Variants in MYOM1 observed in about 807,000 individuals in gnomAD.
The protein encoded by MYOM1 is myomesin-1.
A neutral mutation model predicts 205.3 loss-of-function variants in MYOM1; 164 were observed. The observed-to-expected ratio is 0.80, with a 90% CI of 0.70 to 0.91. The LOEUF is 0.91. Ranked by LOEUF, MYOM1 falls within the 40% of genes least tolerant of loss-of-function variation. The probability of loss-of-function intolerance (pLI) is 0.00; values close to 1 mark genes in which losing one functional copy is unlikely to be tolerated. For synonymous variants in MYOM1, 772 were observed against 789.4 expected (o/e 0.98, Z 0.37); for missense variants, 2,011 against 2,127.3 (o/e 0.95, Z 1.08).
chr18:3,138,852 G>A (rs1264712053), intron 14 of MYOM1, among the ~76,000 whole-genome samples: 1 of 152,190 alleles, frequency 6.6e-6, no homozygotes, highest in African/African-American at 2.4e-5. Flanking sequence ...ATTGAAAGGT[G>A]GCCCAGTGTA....
intron 2 of MYOM1, among the ~76,000 whole-genome samples, chr18:3,205,901 G>A (rs1478893555): frequency 6.6e-6 from 1 of 152,170 alleles, no homozygotes; most frequent in African/African-American, 2.4e-5. Context: ...AAAATACTGT[G>A]TTTGGCACTG....
At chr18:3,098,955 G>A (rs532297587) in intron 25 of MYOM1, among the ~76,000 whole-genome samples, 4 of 152,128 alleles carry the variant, frequency 2.6e-5, no homozygotes, top group African/African-American at 7.2e-5. Context: ...ACAAAGTTGG[G>A]TTAGTTTTTG....
chr18:3,121,311 T>A (rs2079688097), intron 19 of MYOM1, among the ~76,000 whole-genome samples: 1 of 152,166 alleles, frequency 6.6e-6, no homozygotes, highest in African/African-American at 2.4e-5. Flanking sequence ...AGATACATCT[T>A]TTTTAAAAAC....
chr18:3,106,634 C>T (rs529220793), intron 22 of MYOM1, among the ~76,000 whole-genome samples: 3 of 152,192 alleles, frequency 2.0e-5, no homozygotes, highest in African/African-American at 7.2e-5. Flanking sequence ...CCAGCCTGGG[C>T]AACAAAATGA....
chr18:3,148,767 A>ACC (rs1285553697), intron 13 of MYOM1, among the ~76,000 whole-genome samples: 2 of 144,042 alleles, frequency 1.4e-5, no homozygotes, highest in African/African-American at 5.1e-5. Context: ...AATGGCGTGA[A>ACC]CCCGGGAGGC....
rs34628686 is a variant in MYOM1 at position 3,154,791 on chromosome 18, A to G, written c.1643+156T>C. On this transcript the variant is annotated intron_variant, in intron 11 of 37. Transcript: ENST00000356443. ...GAGAGCGAGAGACTGAGACAGAGAC[A>G]AATAGAGAAAAAGAAAGATGAAGAG... Among the ~76,000 whole-genome samples, 3,400 of 152,228 alleles carry G rather than the reference A, an allele frequency of 0.022. 47 individuals carry two copies. Among genetic ancestry groups the G allele is most frequent in the Middle Eastern group, 0.037 (11 of 294 alleles).
chr18:3,160,496 A>G (rs1207597574), intron 10 of MYOM1, among the ~76,000 whole-genome samples: 4 of 152,264 alleles, frequency 2.6e-5, no homozygotes, highest in African/African-American at 9.6e-5. Flanking sequence ...AACATTTTCT[A>G]AAAGTGGAGT....
At position 3,179,814 on chromosome 18, in the gene MYOM1, C is replaced by G. The variant is rs1248512494; in HGVS notation, c.930-3680G>C. On this transcript the variant is annotated intron_variant, in intron 5 of 37. Coordinates refer to ENST00000356443, the MANE Select transcript of MYOM1 (RefSeq NM_003803.4). The surrounding 1 kb of genome is among the most constrained non-coding windows in gnomAD (Gnocchi z 4.4). Reference sequence around the variant, plus strand: ...TATAATTGGTTTAGGTAATTTCACACTGGACTCAAGCTCACTCTGGCTCTG... The same window carrying G: ...TATAATTGGTTTAGGTAATTTCACAGTGGACTCAAGCTCACTCTGGCTCTG... 2.0e-5 allele frequency among the ~76,000 whole-genome samples: 3 copies of G among 152,182 alleles called. No individual in the cohort carries two copies. Among genetic ancestry groups the G allele is most frequent in the African/African-American group, 7.2e-5 (3 of 41,446 alleles).
chr18:3,167,125 C>T (rs2080483070), intron 9 of MYOM1, among the ~76,000 whole-genome samples: 1 of 152,148 alleles, frequency 6.6e-6, no homozygotes, highest in South Asian at 2.1e-4. Flanking sequence ...TACAAGTTTT[C>T]TCAGGAGGCT....
chr18:3,147,137 GATAA>G (rs58078128), intron 13 of MYOM1, among the ~76,000 whole-genome samples: 61 of 139,966 alleles, frequency 4.4e-4, no homozygotes, highest in African/African-American at 1.6e-3. Context: ...ATATATTATA[GATAA>G]ATATATATAT....
chr18:3,175,357 G>C (rs530054298), intron 6 of MYOM1, among the ~76,000 whole-genome samples: 1 of 152,066 alleles, frequency 6.6e-6, no homozygotes, highest in Non-Finnish European at 1.5e-5. Context: ...GAAAATTCTG[G>C]GAACTTGTTT....
At chr18:3,214,116 T>C (rs934337899) in intron 2 of MYOM1, among the ~76,000 whole-genome samples, 2 of 152,228 alleles carry the variant, frequency 1.3e-5, no homozygotes, top group African/African-American at 4.8e-5. Flanking sequence ...GCTAAAGAAA[T>C]TATCTGCTGC....
At chr18:3,076,528 G>C (rs182521422) in intron 34 of MYOM1, among the ~76,000 whole-genome samples, 3 of 152,108 alleles carry the variant, frequency 2.0e-5, no homozygotes, top group Admixed American at 6.6e-5. Flanking sequence ...GTCTGTTTGG[G>C]CAAAAAAGCA....
intron 13 of MYOM1, among the ~76,000 whole-genome samples, chr18:3,148,471 C>T (rs112160876): frequency 9.9e-4 from 151 of 152,134 alleles, no homozygotes; most frequent in African/African-American, 3.2e-3. Context: ...TCAGTGATGG[C>T]TGGAGATGGG....
intron 3 of MYOM1, among the ~76,000 whole-genome samples, chr18:3,190,028 T>TC (rs1289359995): frequency 1.3e-5 from 2 of 152,220 alleles, no homozygotes; most frequent in Admixed American, 1.3e-4. Context: ...CTATACTATA[T>TC]ACTAAGAAAT....
At chr18:3,237,546 C>T in the MYOM1 span, among the ~76,000 whole-genome samples, 1 of 145,814 alleles carries the variant, frequency 6.9e-6, no homozygotes, top group Non-Finnish European at 1.5e-5. Flanking sequence ...TTGCAGTGAG[C>T]CGAGATCACA....
Position 3,188,761 on chromosome 18 carries a change from G to C in MYOM1, c.758C>G (p.Ser253Cys), listed in dbSNP as rs2080859513. The change falls in exon 4 of 38, where the codon TCC becomes TGC. Residue 253 changes from serine (S) to cysteine (C), a missense_variant. By Grantham distance (112) the Ser-to-Cys change is moderately radical. Coordinates refer to ENST00000356443, the MANE Select transcript of MYOM1 (RefSeq NM_003803.4). ...VVIREKAERLSLRKTLEETET... is the reference protein window; with the variant it reads ...VVIREKAERLCLRKTLEETET... ...GTCTTTTCTTACTGTTTTCCTCAGG[G>C]ACAGGCGTTCTGCCTTTTCTCGAAT... 1.3e-6 allele frequency: 2 copies of C among 1,587,840 alleles called. No individual in the cohort carries two copies. Among genetic ancestry groups the C allele is most frequent in the Non-Finnish European group, 8.6e-7 (1 of 1,165,404 alleles).
At chr18:3,238,740 G>C in the MYOM1 span, among the ~76,000 whole-genome samples, 2 of 152,120 alleles carry the variant, frequency 1.3e-5, no homozygotes, top group Non-Finnish European at 2.9e-5. Context: ...TAAGCTGTCA[G>C]GGAGACTGTG....
chr18:3,072,350 C>CTTT lies in MYOM1; in HGVS notation c.4709-464_4709-462dup, dbSNP rs78331937. On this transcript the variant is annotated intron_variant, in intron 36 of 37. Transcript: ENST00000356443. Reference sequence around the variant, plus strand: ...AGCAGGCGTGAGCCACCGCACCCGGCTTTTTTTTTTTTTTTTTTTTTGAGG... The same window carrying CTTT: ...AGCAGGCGTGAGCCACCGCACCCGGCTTTTTTTTTTTTTTTTTTTTTTTTGAGG... Among the ~76,000 whole-genome samples the CTTT allele has an allele frequency of 4.8e-4, 27 of 56,212 alleles. 1 individual carries two copies. The highest frequency in any genetic ancestry group is 1.0e-3 in the African/African-American group (11 of 10,712). 36.9% of individuals were successfully genotyped at this position (56,212 alleles called of 152,430 possible).
Sources: gnomAD v4.1 joint callset for allele counts (sites outside exome capture counted in the v4.1 genomes callset) on GRCh38, gnomAD v4.1.1 for gene constraint, Gnocchi (gnomAD v3.1) non-coding constraint, MANE v1.5 for transcripts, NCBI Gene and HGNC (gene_info 2026-07-23, HGNC 2026-07-21) for gene names.